Variants in FBN3 observed in about 807,000 individuals in gnomAD.
FBN3 encodes fibrillin 3, also known as fibrillin-3.
FBN3 carries 234 observed loss-of-function variants against 330.1 expected under a neutral mutation model. The observed-to-expected ratio is 0.71, with a 90% CI of 0.64 to 0.79. The LOEUF (loss-of-function observed/expected upper bound fraction) is 0.79, where lower values mean the gene tolerates loss of function less well. FBN3 is among the 30% of genes least tolerant of loss of function. The probability of loss-of-function intolerance (pLI) is 0.00; values close to 1 mark genes in which losing one functional copy is unlikely to be tolerated. For synonymous variants in FBN3, 1,458 were observed against 1,517.3 expected, an observed-to-expected ratio of 0.96 and a Z score of 0.91; for missense variants, 3,606 against 3,886.9, an observed-to-expected ratio of 0.93 and a Z score of 1.92.
intron 41 of FBN3, 53 bp from the exon 42 acceptor site, chr19:8,097,467 G>A (rs544193842): frequency 6.2e-5 from 95 of 1,542,902 alleles, no homozygotes; most frequent in Admixed American, 1.2e-4. Flanking sequence ...GACTTCCAGC[G>A]ATGCTGAGCG....
chr19:8,068,798 G>A (rs570675242), intron 63 of FBN3, among the ~76,000 whole-genome samples: 4 of 152,232 alleles, frequency 2.6e-5, no homozygotes, highest in South Asian at 2.1e-4. Flanking sequence ...TTGTTCATCC[G>A]CAAGGTCAGC....
In FBN3 at chr19:8,136,543, G is replaced by T; in HGVS notation, c.1202-12C>A. ...CAGGGTAGCAGTGCCTACGGGTGGG[G>T]CCGGCAGAGGCATCTGAGCAGTGGC... On this transcript the variant is annotated splice_polypyrimidine_tract_variant and intron_variant, in intron 10 of 63. Transcript: ENST00000600128. The T allele has an allele frequency of 6.2e-7, 1 of 1,613,724 alleles. No individual in the cohort carries two copies. The highest frequency in any genetic ancestry group is 8.5e-7 in the Non-Finnish European group (1 of 1,179,720).
At chr19:8,080,661 C>G (rs995268308) in intron 59 of FBN3, among the ~76,000 whole-genome samples, 1 of 152,090 alleles carries the variant, frequency 6.6e-6, no homozygotes, top group Non-Finnish European at 1.5e-5. Flanking sequence ...TCTTGTTGCC[C>G]AGGCTGGAGT....
At chr19:8,118,524 A>G (rs2082761153) in intron 26 of FBN3, among the ~76,000 whole-genome samples, 1 of 152,050 alleles carries the variant, frequency 6.6e-6, no homozygotes, top group Admixed American at 6.6e-5. Flanking sequence ...AGAGACATTC[A>G]TAGCCAAATA....
chr19:8,091,723 AGCTCAGTATGAGCTTCAGCACGAG>A, intron 47 of FBN3, 133 bp from the exon 48 acceptor site: 1 of 956,288 alleles, frequency 1.0e-6, no homozygotes, highest in Non-Finnish European at 1.6e-6. Context: ...GGGTCCTGAG[AGCTCAGTATGAGCTTCAGCACGAG>A]GTGGGCATTG....
chr19:8,111,618 G>A (rs1431574301), intron 32 of FBN3, 30 bp downstream of exon 32: 2 of 1,449,028 alleles, frequency 1.4e-6, no homozygotes, highest in Non-Finnish European at 9.6e-7. Flanking sequence ...TCCCTCTAGG[G>A]CCCCTGCCCT....
chr19:8,126,217 G>A, intron 21 of FBN3, 80 bp downstream of exon 21: 1 of 1,489,946 alleles, frequency 6.7e-7, no homozygotes, highest in Non-Finnish European at 9.2e-7. Context: ...GGGGCCGGAG[G>A]TGGCACCCAT....
At chr19:8,133,791 A>C (rs553049733) in intron 13 of FBN3, among the ~76,000 whole-genome samples, 54 of 152,196 alleles carry the variant, frequency 3.5e-4, no homozygotes, top group African/African-American at 1.3e-3. Flanking sequence ...GGTTGTGTGA[A>C]TCTTACTTCA....
intron 6 of FBN3, among the ~76,000 whole-genome samples, chr19:8,142,474 G>A (rs1466380667): frequency 2.0e-5 from 3 of 152,018 alleles, no homozygotes; most frequent in African/African-American, 4.8e-5. Context: ...AGGGACCCAC[G>A]GATGCCCAGC....
Position 8,065,788 on chromosome 19 carries a change from G to T in FBN3, c.*131C>A. 1 of 827,890 alleles carries T rather than the reference G, an allele frequency of 1.2e-6. No homozygotes were observed. Among genetic ancestry groups the T allele is most frequent in the Non-Finnish European group, 1.9e-6 (1 of 539,728 alleles). The allele number at this position is 827,890 out of a possible 1,614,324, so 51.3% of individuals were successfully genotyped here. A position where few individuals can be genotyped will look rare whatever the true frequency, so the allele number is the denominator to read the frequency against. ...GCAGAGGCCGGGCTTGCCTGAGGTTGTCGTGTAGCATTTCACTCTTCCTGA... is the reference window on the plus strand; with the variant it reads ...GCAGAGGCCGGGCTTGCCTGAGGTTTTCGTGTAGCATTTCACTCTTCCTGA... On this transcript the variant is annotated 3_prime_UTR_variant, in exon 64 of 64. Coordinates refer to ENST00000600128, the MANE Select transcript of FBN3 (RefSeq NM_032447.5).
At position 8,094,562 on chromosome 19, in the gene FBN3, G is replaced by T. The variant is rs148482018; in HGVS notation, c.5789C>A (p.Thr1930Asn). The change falls in exon 47 of 64, where the codon ACC becomes AAC. Residue 1930 changes from threonine to asparagine, a missense_variant. Thr to Asn is a moderately conservative substitution (Grantham distance 65). Coordinates refer to ENST00000600128, the MANE Select transcript of FBN3 (RefSeq NM_032447.5). ...TCCTGCAAGGCTGAGGCACTCATTG[G>T]TGTCTGTGAAAAGGAGGAAGAAAGG... ...LTADGKNCVD[T>N]NECLSLAGTC... The T allele has an allele frequency of 6.2e-7, 1 of 1,613,112 alleles. No individual in the cohort carries two copies. Among genetic ancestry groups the T allele is most frequent in the Admixed American group, 1.7e-5 (1 of 59,874 alleles).
intron 56 of FBN3, 117 bp downstream of exon 56, chr19:8,085,246 C>T (rs2081911250): frequency 2.4e-6 from 2 of 830,216 alleles, no homozygotes; most frequent in East Asian, 2.8e-5. Context: ...CACACACACA[C>T]ACACACACAC....
At chr19:8,098,315 T>A (rs1362548179) in intron 41 of FBN3, among the ~76,000 whole-genome samples, 1 of 151,506 alleles carries the variant, frequency 6.6e-6, no homozygotes, top group Non-Finnish European at 1.5e-5. Context: ...AAACTAAGTG[T>A]CAATCAATGG....
intron 31 of FBN3, 22 bp from the exon 32 acceptor site, chr19:8,111,792 C>T: frequency 6.2e-7 from 1 of 1,608,642 alleles, no homozygotes; most frequent in Middle Eastern, 1.7e-4. Flanking sequence ...GGAGCCCAGA[C>T]CCCCCACCCC....
Position 8,142,916 on chromosome 19 carries a change from A to G in FBN3, c.542-779T>C, listed in dbSNP as rs1005810165. Among the ~76,000 whole-genome samples, 9 of 137,854 alleles carry G rather than the reference A, an allele frequency of 6.5e-5. 1 individual carries two copies. Among genetic ancestry groups the G allele is most frequent in the African/African-American group, 2.7e-5 (1 of 36,372 alleles). The allele number at this position is 137,854 out of a possible 152,430, so 90.4% of individuals were successfully genotyped here. A position where few individuals can be genotyped will look rare whatever the true frequency, so the allele number is the denominator to read the frequency against. On this transcript the variant is annotated intron_variant, in intron 6 of 63. Transcript: ENST00000600128. The stretch of plus-strand genomic sequence containing the variant: ...AGCTTGGCCCGCCTCCAACAAGCCC[A>G]TGTTCTAATTCTGCAGTTTCCAGAA...
At chr19:8,130,619 A>G (rs7258894) in intron 16 of FBN3, among the ~76,000 whole-genome samples, 189 of 9,622 alleles carry the variant, frequency 0.02, 46 homozygotes, top group South Asian at 0.027. Flanking sequence ...AAAGAAAGAA[A>G]GAAAGAAAGA....
chr19:8,088,285 C>T (rs1036132633), intron 51 of FBN3, 106 bp from the exon 52 acceptor site: 67 of 1,355,422 alleles, frequency 4.9e-5, no homozygotes, highest in Middle Eastern at 2.7e-4. Context: ...GGGGCCAGAT[C>T]GAATGCACCT....
At chr19:8,090,438 A>G (rs1035928132) in intron 48 of FBN3, among the ~76,000 whole-genome samples, 187 bp from the exon 49 acceptor site, 10 of 151,210 alleles carry the variant, frequency 6.6e-5, no homozygotes, top group Non-Finnish European at 1.3e-4. Flanking sequence ...CTCTGGGCCA[A>G]TGAGGATCTG....
At chr19:8,115,450 A>AC in intron 30 of FBN3, 65 bp downstream of exon 30, 2 of 1,574,658 alleles carry the variant, frequency 1.3e-6, no homozygotes, top group Non-Finnish European at 1.7e-6. Flanking sequence ...ATGGAAACAG[A>AC]CCCCATGATT....
Sources: allele counts gnomAD v4.1 joint callset (sites outside exome capture counted in the v4.1 genomes callset), GRCh38; gene constraint gnomAD v4.1.1; transcripts MANE v1.5; gene names NCBI Gene and HGNC (gene_info 2026-07-23, HGNC 2026-07-21).